Variants in FBXO34 observed in about 807,000 individuals in gnomAD.
The protein encoded by FBXO34 is F-box only protein 34.
Under a neutral mutation model 24.5 loss-of-function variants are expected in FBXO34, and 12 were observed. The observed-to-expected ratio is 0.49, with a 90% confidence interval of 0.31 to 0.79. The LOEUF is 0.79. FBXO34 is among the 30% of genes least tolerant of loss of function. The probability of loss-of-function intolerance (pLI) is 0.04; values close to 1 mark genes in which losing one functional copy is unlikely to be tolerated. For missense variants in FBXO34, 823 were observed against 857.7 expected (o/e 0.96, Z 0.51); for synonymous variants, 320 against 311.9 (o/e 1.03, Z -0.27).
the FBXO34 span, among the ~76,000 whole-genome samples, chr14:55,400,971 C>A: frequency 2.0e-5 from 3 of 149,816 alleles, no homozygotes; most frequent in African/African-American, 7.5e-5. Flanking sequence ...ACTGCTTAGT[C>A]AAAGAATATT....
intron 1 of FBXO34, among the ~76,000 whole-genome samples, chr14:55,297,579 T>C (rs569316091): frequency 6.6e-6 from 1 of 152,242 alleles, no homozygotes; most frequent in Non-Finnish European, 1.5e-5. Flanking sequence ...GATTTAGATA[T>C]GGTAGTGATA....
the FBXO34 span, chr14:55,414,408 G>C: frequency 6.2e-7 from 1 of 1,609,070 alleles, no homozygotes; most frequent in Admixed American, 1.7e-5. Flanking sequence ...TTTAGAATAG[G>C]ATAGATGTTT....
Position 55,285,063 on chromosome 14 carries a change from G to A in FBXO34, c.-11+13526G>A, listed in dbSNP as rs901414818. 1.0e-4 allele frequency among the ~76,000 whole-genome samples: 15 copies of A among 149,730 alleles called. 1 individual carries two copies. The highest frequency in any genetic ancestry group is 4.0e-4 in the Admixed American group (6 of 14,816). ...AAAAAAAAAAAAACTGCAAAGATCA[G>A]TTGTAAAGCTTCTTTCAAGAATTGT... On this transcript the variant is annotated intron_variant, in intron 1 of 1. Coordinates refer to ENST00000313833, the MANE Select transcript of FBXO34 (RefSeq NM_017943.4).
At chr14:55,360,957 C>T (rs1884585939) in intron 3 of FBXO34, among the ~76,000 whole-genome samples, 2 of 151,848 alleles carry the variant, frequency 1.3e-5, no homozygotes, top group South Asian at 4.2e-4. Flanking sequence ...GAGATCACGC[C>T]ACTGTACTCC....
At chr14:55,406,400 G>A in the FBXO34 span, among the ~76,000 whole-genome samples, 1 of 152,232 alleles carries the variant, frequency 6.6e-6, no homozygotes, top group African/African-American at 2.4e-5. Context: ...TACAGTTAGT[G>A]AGGGGCTTTT....
At chr14:55,280,527 C>CTTTTTT (rs77678519) in intron 1 of FBXO34, among the ~76,000 whole-genome samples, 14,028 of 125,272 alleles carry the variant, frequency 0.11, 1,366 homozygotes, top group Non-Finnish European at 0.14. Context: ...ATATCAGGAA[C>CTTTTTT]TTTTTTTTTT....
At chr14:55,381,919 ACT>A in the FBXO34 span, 1 of 1,536,100 alleles carries the variant, frequency 6.5e-7, no homozygotes, top group Admixed American at 1.7e-5. Flanking sequence ...TTTACCTATA[ACT>A]CTCTCTATAT....
chr14:55,347,222 G>C (rs1340883470), intron 1 of FBXO34, among the ~76,000 whole-genome samples: 1 of 152,188 alleles, frequency 6.6e-6, no homozygotes, highest in African/African-American at 2.4e-5. Flanking sequence ...AAACCTAGCT[G>C]GAGCTTTACC....
chr14:55,313,985 C>T (rs989433187), intron 1 of FBXO34, among the ~76,000 whole-genome samples: 2 of 152,190 alleles, frequency 1.3e-5, no homozygotes, highest in African/African-American at 4.8e-5. Flanking sequence ...TTACTGCAGC[C>T]TCAACCTTCC....
chr14:55,435,792 G>T, the FBXO34 span: 1 of 1,275,526 alleles, frequency 7.8e-7, no homozygotes, highest in Non-Finnish European at 1.1e-6. Flanking sequence ...ATCATATTAA[G>T]AAAAGTAAAT....
At chr14:55,272,542 T>TA (rs59547031) in intron 1 of FBXO34, among the ~76,000 whole-genome samples, 14 of 151,506 alleles carry the variant, frequency 9.2e-5, no homozygotes, top group African/African-American at 3.4e-4. Context: ...TTTTTTTTTT[T>TA]AACTGGACAT....
the FBXO34 span, among the ~76,000 whole-genome samples, chr14:55,427,796 A>G: frequency 2.6e-5 from 4 of 152,090 alleles, 1 homozygote; most frequent in South Asian, 8.3e-4. Flanking sequence ...AAAGGAATAT[A>G]CTACAGGCAA....
the FBXO34 span, among the ~76,000 whole-genome samples, chr14:55,422,255 A>C: frequency 6.6e-6 from 1 of 152,192 alleles, no homozygotes; most frequent in Non-Finnish European, 1.5e-5. Flanking sequence ...TAAACTTGGC[A>C]TTCATTATGG....
At chr14:55,329,821 G>A (rs140155097) in intron 1 of FBXO34, among the ~76,000 whole-genome samples, 31 of 151,742 alleles carry the variant, frequency 2.0e-4, no homozygotes, top group African/African-American at 6.0e-4. Context: ...TCCTAATTCC[G>A]TGCCAGGAAA....
intron 1 of FBXO34, among the ~76,000 whole-genome samples, chr14:55,345,739 C>T (rs1017608932): frequency 6.6e-6 from 1 of 152,220 alleles, no homozygotes; most frequent in Non-Finnish European, 1.5e-5. Context: ...TGGTGGCTCA[C>T]TCCTGTAATC....
chr14:55,346,352 C>G (rs569209390), intron 1 of FBXO34, among the ~76,000 whole-genome samples: 20 of 152,210 alleles, frequency 1.3e-4, no homozygotes, highest in African/African-American at 3.6e-4. Flanking sequence ...TAAAGAGTGG[C>G]ACAGTTTAGT....
intron 1 of FBXO34, among the ~76,000 whole-genome samples, chr14:55,277,837 A>G (rs1329332822): frequency 6.6e-6 from 1 of 152,164 alleles, no homozygotes; most frequent in East Asian, 1.9e-4. Flanking sequence ...CTTCTTTTGT[A>G]TATCCCTTTT....
the FBXO34 span, among the ~76,000 whole-genome samples, chr14:55,409,086 G>A: frequency 3.9e-5 from 6 of 152,198 alleles, no homozygotes; most frequent in African/African-American, 1.2e-4. Flanking sequence ...AGATCACTAC[G>A]TAGTCAGGAG....
chr14:55,279,211 G>A (rs1255193255), intron 1 of FBXO34, among the ~76,000 whole-genome samples: 4 of 151,836 alleles, frequency 2.6e-5, no homozygotes, highest in Non-Finnish European at 4.4e-5. Flanking sequence ...GCTTGAACCC[G>A]GGAGACGGAG....
Sources: allele counts gnomAD v4.1 joint callset (sites outside exome capture counted in the v4.1 genomes callset), GRCh38; gene constraint gnomAD v4.1.1; transcripts MANE v1.5; gene names NCBI Gene and HGNC (gene_info 2026-07-23, HGNC 2026-07-21).